ACBD6: variants seen among roughly 807,000 people sequenced by gnomAD.
ACBD6 encodes the protein acyl-CoA-binding domain-containing protein 6.
In ACBD6, 28 loss-of-function variants were observed where a neutral mutation model predicts 37.2. The ratio of observed to expected loss-of-function variants is 0.75; its 90% CI spans 0.56 to 1.03. The LOEUF (loss-of-function observed/expected upper bound fraction) is 1.03, where lower values mean the gene tolerates loss of function less well. Among genes scored for constraint, ACBD6 ranks in the 50% least tolerant of loss-of-function variants. The pLI is 0.00. For synonymous variants in ACBD6, 113 were observed against 126.8 expected, an observed-to-expected ratio of 0.89 and a Z score of 0.73; for missense variants, 340 against 337.4, an observed-to-expected ratio of 1.01 and a Z score of -0.06.
At chr1:180,293,246 G>A (rs967804514) in intron 7 of ACBD6, among the ~76,000 whole-genome samples, 1 of 151,872 alleles carries the variant, frequency 6.6e-6, no homozygotes, top group Admixed American at 6.6e-5. Flanking sequence ...AGAATGAGCT[G>A]GGCAGTGCTC....
chr1:180,364,252 T>G (rs1174697557), intron 6 of ACBD6, among the ~76,000 whole-genome samples: 1 of 152,228 alleles, frequency 6.6e-6, no homozygotes, highest in Non-Finnish European at 1.5e-5. Flanking sequence ...AGAGGAACAG[T>G]AAAGGCAGAC....
intron 1 of ACBD6, among the ~76,000 whole-genome samples, chr1:180,500,327 T>A (rs1651910295): frequency 6.6e-6 from 1 of 152,156 alleles, no homozygotes; most frequent in East Asian, 1.9e-4. Flanking sequence ...TTTCCTGAAC[T>A]GTTATTTAAC....
At position 180,355,097 on chromosome 1, in the gene ACBD6, GT is replaced by G. The variant is rs1241211237; in HGVS notation, c.664-40376del. On this transcript the variant is annotated intron_variant, in intron 6 of 7. Coordinates refer to ENST00000367595, the MANE Select transcript of ACBD6 (RefSeq NM_032360.4). ...AACAATGATGGTAGTGGCTAATGCTGTTTACCGCACTAGGCAATTTTTACAT... is the reference window on the plus strand; with the variant it reads ...AACAATGATGGTAGTGGCTAATGCTGTTACCGCACTAGGCAATTTTTACAT... Among the ~76,000 whole-genome samples the G allele has an allele frequency of 3.9e-5, 6 of 152,154 alleles. No individual in the cohort carries two copies. In the South Asian group the frequency reaches 1.2e-3, roughly 32 times the overall value.
intron 3 of ACBD6, among the ~76,000 whole-genome samples, chr1:180,462,223 T>C (rs1463884515): frequency 6.6e-6 from 1 of 151,900 alleles, no homozygotes; most frequent in Non-Finnish European, 1.5e-5. Context: ...GACAACACAG[T>C]GAGACTCCGT....
intron 3 of ACBD6, among the ~76,000 whole-genome samples, chr1:180,477,573 G>A (rs956999385): frequency 1.3e-5 from 2 of 151,840 alleles, no homozygotes; most frequent in Non-Finnish European, 2.9e-5. Context: ...TCATTAGAAC[G>A]AATTTTTTTT....
chr1:180,314,179 C>T (rs2149290774), intron 7 of ACBD6, among the ~76,000 whole-genome samples: 1 of 152,240 alleles, frequency 6.6e-6, no homozygotes, highest in East Asian at 1.9e-4. Context: ...ATTTCTGTTG[C>T]TAGTATAGAA....
intron 4 of ACBD6, among the ~76,000 whole-genome samples, chr1:180,426,802 A>G (rs569515351): frequency 6.6e-6 from 1 of 152,228 alleles, no homozygotes; most frequent in African/African-American, 2.4e-5. Context: ...TCTGCTAAGT[A>G]TCAAGTGAGA....
intron 3 of ACBD6, among the ~76,000 whole-genome samples, chr1:180,481,041 C>CA (rs974884765): frequency 1.2e-3 from 165 of 142,558 alleles, no homozygotes; most frequent in South Asian, 6.9e-3. Flanking sequence ...AAAAAAAAAA[C>CA]AAAAAAAAAA....
At chr1:180,355,960 C>G (rs748521470) in intron 6 of ACBD6, among the ~76,000 whole-genome samples, 1 of 151,770 alleles carries the variant, frequency 6.6e-6, no homozygotes, top group Non-Finnish European at 1.5e-5. Flanking sequence ...CTCTGCCTCC[C>G]GGGTTCAAGC....
chr1:180,314,626 A>C, intron 7 of ACBD6, 66 bp downstream of exon 7: 1 of 1,332,126 alleles, frequency 7.5e-7, no homozygotes, highest in South Asian at 1.2e-5. Context: ...GGAATGGACA[A>C]AGTTGAAATA....
intron 6 of ACBD6, among the ~76,000 whole-genome samples, chr1:180,383,649 T>C (rs904712547): frequency 1.3e-5 from 2 of 152,170 alleles, no homozygotes; most frequent in African/African-American, 4.8e-5. Context: ...ACGTCATTTT[T>C]CACAGAAATA....
chr1:180,446,999 C>T (rs1649500950), intron 3 of ACBD6, among the ~76,000 whole-genome samples: 1 of 152,070 alleles, frequency 6.6e-6, no homozygotes, highest in African/African-American at 2.4e-5. Context: ...TGAGATAACC[C>T]CCGACAGTCC....
At chr1:180,310,742 C>T (rs1456611696) in intron 7 of ACBD6, among the ~76,000 whole-genome samples, 1 of 152,172 alleles carries the variant, frequency 6.6e-6, no homozygotes, top group Non-Finnish European at 1.5e-5. Context: ...TCTTACTAAA[C>T]TGATCTCAAA....
At chr1:180,271,739 C>A in exon 14 of ACBD6, 1 of 1,423,540 alleles carries the variant, frequency 7.0e-7, no homozygotes, top group Non-Finnish European at 9.9e-7. Flanking sequence ...TCCATTCAGG[C>A]TTCAGTCTGC....
chr1:180,271,706 G>T, exon 14 of ACBD6: 9 of 1,268,078 alleles, frequency 7.1e-6, no homozygotes, highest in Non-Finnish European at 1.0e-5. Flanking sequence ...GGGGTGGGGC[G>T]CATCGCACTC....
intron 3 of ACBD6, among the ~76,000 whole-genome samples, chr1:180,442,863 C>T (rs1571517642): frequency 6.6e-6 from 1 of 152,062 alleles, no homozygotes; most frequent in East Asian, 1.9e-4. Context: ...TTTTCCTCTA[C>T]TTTCTTGAAT....
intron 3 of ACBD6, among the ~76,000 whole-genome samples, chr1:180,475,552 A>T (rs1016113050): frequency 6.6e-6 from 1 of 152,000 alleles, no homozygotes; most frequent in East Asian, 1.9e-4. Context: ...ACACTCAGCT[A>T]ATTTTTTATT....
chr1:180,388,132 C>T (rs1400299770), intron 6 of ACBD6, among the ~76,000 whole-genome samples: 7 of 148,864 alleles, frequency 4.7e-5, no homozygotes, highest in African/African-American at 1.5e-4. Context: ...GCCAAGATCG[C>T]GCCACGGCAC....
chr1:180,355,929 G>A (rs545746642), intron 6 of ACBD6, among the ~76,000 whole-genome samples: 123 of 150,456 alleles, frequency 8.2e-4, no homozygotes, highest in South Asian at 1.9e-3. Context: ...GTGCAGTGGC[G>A]TGATCTCGGC....
Sources: allele counts gnomAD v4.1 joint callset (sites outside exome capture counted in the v4.1 genomes callset), GRCh38; gene constraint gnomAD v4.1.1; transcripts MANE v1.5; gene names NCBI Gene and HGNC (gene_info 2026-07-23, HGNC 2026-07-21).